Variants in CD163L1 observed in about 807,000 individuals in gnomAD.
The protein encoded by CD163L1 is scavenger receptor cysteine-rich type 1 protein M160.
Under a neutral mutation model 165.4 loss-of-function variants are expected in CD163L1, and 124 were observed. The observed-to-expected ratio is 0.75, with a 90% CI of 0.65 to 0.87. The LOEUF is 0.87. Ranked by LOEUF, CD163L1 falls within the 40% of genes least tolerant of loss-of-function variation. The pLI is 0.00. For synonymous variants in CD163L1, 585 were observed against 662.2 expected (o/e 0.88, Z 1.79); for missense variants, 1,525 against 1,799.9 (o/e 0.85, Z 2.76).
chr12:7,359,932 T>A (rs1191577357), intron 18 of CD163L1, among the ~76,000 whole-genome samples: 1 of 152,196 alleles, frequency 6.6e-6, no homozygotes, highest in East Asian at 1.9e-4. Context: ...TCCTTGCTTT[T>A]GATATTTTTC....
At chr12:7,340,213 A>G in the CD163L1 span, among the ~76,000 whole-genome samples, 3 of 152,172 alleles carry the variant, frequency 2.0e-5, no homozygotes, top group African/African-American at 7.2e-5. Context: ...GAAAATGCCT[A>G]GTCTGTAAAA....
At position 7,390,317 on chromosome 12, in the gene CD163L1, T is replaced by C. The variant is rs188220190; in HGVS notation, c.2050+5778A>G. On this transcript the variant is annotated intron_variant, in intron 8 of 19. Coordinates refer to ENST00000313599, the MANE Select transcript of CD163L1 (RefSeq NM_174941.6). ...TAGGGTGACTATAGTTAAAAAACAA[T>C]ATATTGTATATTTTTAAATAGCTAG... is the stretch of plus-strand genomic sequence containing the variant. Among the ~76,000 whole-genome samples, 206 of 152,096 alleles carry C rather than the reference T, an allele frequency of 1.4e-3. 6 individuals carry two copies. The highest frequency in any genetic ancestry group is 2.6e-4 in the Non-Finnish European group (18 of 67,990).
intron 8 of CD163L1, among the ~76,000 whole-genome samples, chr12:7,393,914 TAA>T (rs1947715519): frequency 6.6e-6 from 1 of 151,788 alleles, no homozygotes; most frequent in Non-Finnish European, 1.5e-5. Context: ...CTCAACGAAA[TAA>T]AAGAGGACAC....
rs147841364 is a variant in CD163L1 at position 7,379,161 on chromosome 12, G to C, written c.2188C>G (p.Gln730Glu). 9.3e-6 allele frequency: 15 copies of C among 1,613,936 alleles called. No individual in the cohort carries two copies. The highest frequency in any genetic ancestry group is 1.3e-5 in the African/African-American group (1 of 74,862). ...GMNIAEVVCR[Q>E]LECGSAIRVS... ...CTGATTGCAGACCCACATTCAAGTT[G>C]CCTGCAAACAACTTCAGCAATGTTC... Residue 730 changes from glutamine to glutamate, a missense_variant, in exon 9 of 20, where the codon CAA becomes GAA. By Grantham distance (29) the Gln-to-Glu change is conservative (BLOSUM62 2). Transcript: ENST00000313599.
Position 7,357,430 on chromosome 12 carries a change from G to A in CD163L1, c.4336C>T (p.Leu1446Phe). 6.2e-7 allele frequency: 1 copy of A among 1,612,716 alleles called. No individual in the cohort carries two copies. Among genetic ancestry groups the A allele is most frequent in the Non-Finnish European group, 8.5e-7 (1 of 1,179,112 alleles). ...CATTTTGTGGCTTCAGAGGCAGGAA[G>A]AACTCCCAACAGCGATGTGTCGCTA... The part of the protein sequence containing the change: ...DASDTSLLGV[L>F]PASEATK Residue 1446 changes from leucine (L) to phenylalanine (F), a missense_variant, in exon 19 of 20, where the codon CTT becomes TTT. Transcript: ENST00000313599.
intron 7 of CD163L1, among the ~76,000 whole-genome samples, chr12:7,397,410 G>A (rs1281654531): frequency 6.6e-6 from 1 of 152,174 alleles, no homozygotes; most frequent in Non-Finnish European, 1.5e-5. Flanking sequence ...CACCTGGTAA[G>A]GTACTGAATT....
chr12:7,378,422 T>C lies in CD163L1; in HGVS notation c.2371+556A>G, dbSNP rs74892144. Among the ~76,000 whole-genome samples, 553 of 152,292 alleles carry C rather than the reference T, an allele frequency of 3.6e-3. 29 individuals are homozygous for C. The East Asian group carries it at 0.069, about 19-fold the overall frequency. Reference sequence around the variant, plus strand: ...TGCAAGTTGTATCATGCTTACAACCTTCAATGATTTATCATTCACTTTAGA... The same window carrying C: ...TGCAAGTTGTATCATGCTTACAACCCTCAATGATTTATCATTCACTTTAGA... On this transcript the variant is annotated intron_variant, in intron 9 of 19. Transcript: ENST00000313599.
At chr12:7,319,090 TG>T in the CD163L1 span, among the ~76,000 whole-genome samples, 1 of 152,324 alleles carries the variant, frequency 6.6e-6, no homozygotes, top group Non-Finnish European at 1.5e-5. Flanking sequence ...GTAGAATCAG[TG>T]GAAGCCCTGA....
chr12:7,425,521 A>C (rs1398923417), intron 4 of CD163L1, among the ~76,000 whole-genome samples: 1 of 152,246 alleles, frequency 6.6e-6, no homozygotes, highest in Non-Finnish European at 1.5e-5. Context: ...GCTCTGCAAA[A>C]GAAGTGAACA....
At chr12:7,378,688 C>T (rs755274541) in intron 9 of CD163L1, among the ~76,000 whole-genome samples, 22 of 152,162 alleles carry the variant, frequency 1.4e-4, no homozygotes, top group Non-Finnish European at 2.5e-4. Flanking sequence ...CACATCTTTC[C>T]TTAACTATCA....
rs760284029 is a variant in CD163L1, at chr12:7,416,186, C to CT, written c.767-9335dup. Among the ~76,000 whole-genome samples the CT allele has an allele frequency of 9.6e-3, 1,461 of 152,226 alleles. 27 individuals are homozygous for CT. Among genetic ancestry groups the CT allele is most frequent in the African/African-American group, 0.033 (1,356 of 41,524 alleles). ...TTCTCAGACGACCAGTGATGATGAG[C>CT]TTTTTTTCATATGTTTGTTGGCCAC... is the stretch of plus-strand genomic sequence containing the variant. On this transcript the variant is annotated intron_variant, in intron 4 of 19. Coordinates refer to ENST00000313599, the MANE Select transcript of CD163L1 (RefSeq NM_174941.6).
chr12:7,439,586 T>C, intron 2 of CD163L1: 1 of 1,591,316 alleles, frequency 6.3e-7, no homozygotes, highest in Non-Finnish European at 8.6e-7. Flanking sequence ...CTATCAGAGT[T>C]CGCCTCAAAT....
At chr12:7,362,497 TAATA>T (rs1946920956) in intron 18 of CD163L1, among the ~76,000 whole-genome samples, 1 of 140,974 alleles carries the variant, frequency 7.1e-6, no homozygotes, top group Admixed American at 7.2e-5. Flanking sequence ...ATATATTAAT[TAATA>T]TATTAAATTA....
At chr12:7,331,401 C>T in the CD163L1 span, among the ~76,000 whole-genome samples, 3 of 152,356 alleles carry the variant, frequency 2.0e-5, no homozygotes, top group East Asian at 5.8e-4. Context: ...CCTCTGCAGA[C>T]TTAAATCCCT....
At position 7,432,774 on chromosome 12, in the gene CD163L1, C is replaced by T. The variant is rs759725759; in HGVS notation, c.446-38G>A. On this transcript the variant is annotated intron_variant, in intron 3 of 19. Transcript: ENST00000313599. This position sits in a 1 kb window ranked among gnomAD's most constrained non-coding sequence, Gnocchi z 4.2. ...CAAGCAGACATATGAAAAACTGATT[C>T]AACTTTGAGCCTGAAATAAAATCAA... 8.6e-6 allele frequency: 13 copies of T among 1,505,112 alleles called. No individual in the cohort carries two copies. Among genetic ancestry groups the T allele is most frequent in the Non-Finnish European group, 9.9e-6 (11 of 1,114,514 alleles). 93.2% of individuals were successfully genotyped at this position (1,505,112 alleles called of 1,614,324 possible).
Position 7,398,329 on chromosome 12 carries a change from C to G in CD163L1, c.1664G>C (p.Cys555Ser), listed in dbSNP as rs1160803790. The G allele has an allele frequency of 6.2e-7, 1 of 1,614,222 alleles. No homozygotes were observed. The highest frequency in any genetic ancestry group is 1.1e-5 in the South Asian group (1 of 91,086). The change falls in exon 7 of 20, where the codon TGT (cysteine) becomes TCT (serine). Residue 555 changes from cysteine to serine, a missense_variant. Transcript: ENST00000313599. This position sits in a 1 kb window ranked among gnomAD's most constrained non-coding sequence, Gnocchi z 4.5. ...ATGCTTTCCCCATCCACTGTGTTCACAGTCCCAGATATTTGACTCATTTCC... is the reference window on the plus strand; with the variant it reads ...ATGCTTTCCCCATCCACTGTGTTCAGAGTCCCAGATATTTGACTCATTTCC... ...CIGNESNIWD[C>S]EHSGWGKHNC...
At chr12:7,322,282 C>G in the CD163L1 span, 2 of 1,239,078 alleles carry the variant, frequency 1.6e-6, no homozygotes, top group Non-Finnish European at 2.3e-6. Context: ...AGGTGTTCAA[C>G]AAGTATTTGT....
chr12:7,331,236 G>A, the CD163L1 span, among the ~76,000 whole-genome samples: 1 of 152,234 alleles, frequency 6.6e-6, no homozygotes, highest in East Asian at 1.9e-4. Context: ...CGAGGCTGGA[G>A]GAGGGGCGCC....
chr12:7,370,308 C>T (rs1160426688), intron 14 of CD163L1, among the ~76,000 whole-genome samples: 1 of 152,182 alleles, frequency 6.6e-6, no homozygotes, highest in African/African-American at 2.4e-5. Flanking sequence ...TAACCGGGGT[C>T]ATTTTAAACT....
Sources: allele counts gnomAD v4.1 joint callset (sites outside exome capture counted in the v4.1 genomes callset), GRCh38; gene constraint gnomAD v4.1.1; non-coding constraint Gnocchi (gnomAD v3.1); transcripts MANE v1.5; gene names NCBI Gene and HGNC (gene_info 2026-07-23, HGNC 2026-07-21).